PAWR: variants seen among roughly 807,000 people sequenced by gnomAD.
PAWR encodes the protein PRKC apoptosis WT1 regulator protein.
PAWR carries 23 observed loss-of-function variants against 32.0 expected under a neutral mutation model. The ratio of observed to expected loss-of-function variants is 0.72; its 90% CI spans 0.52 to 1.02. The LOEUF is 1.02. Among genes scored for constraint, PAWR ranks in the 50% least tolerant of loss-of-function variants. The probability of loss-of-function intolerance (pLI) is 0.00; values close to 1 mark genes in which losing one functional copy is unlikely to be tolerated. For missense variants in PAWR, 457 were observed against 437.7 expected, an observed-to-expected ratio of 1.04 and a Z score of -0.39; for synonymous variants, 226 against 187.1, an observed-to-expected ratio of 1.21 and a Z score of -1.70.
intron 4 of PAWR, among the ~76,000 whole-genome samples, chr12:79,602,759 A>G (rs1874012451): frequency 6.6e-6 from 1 of 150,572 alleles, no homozygotes. Context: ...ATATGCCACC[A>G]TACCTGGCTA....
In PAWR at chr12:79,628,193, G is replaced by T. The variant is rs375274965; in HGVS notation, c.517-6986C>A. 1.1e-4 allele frequency among the ~76,000 whole-genome samples: 17 copies of T among 152,242 alleles called. No homozygotes were observed. In the East Asian group the frequency reaches 1.7e-3, roughly 16 times the overall value. On this transcript the variant is annotated intron_variant, in intron 2 of 6. Transcript: ENST00000328827. ...CAACTACATGGAAACTGAACAACCTGCTCCTGAATGACTACTGGGTACATA... is the reference window on the plus strand; with the variant it reads ...CAACTACATGGAAACTGAACAACCTTCTCCTGAATGACTACTGGGTACATA...
intron 2 of PAWR, among the ~76,000 whole-genome samples, chr12:79,663,400 C>T (rs1408536527): frequency 6.6e-6 from 1 of 152,132 alleles, no homozygotes; most frequent in Admixed American, 6.5e-5. Context: ...TCAGAATTAC[C>T]TGGGAAGATT....
chr12:79,641,245 G>A (rs1382249332), intron 2 of PAWR, among the ~76,000 whole-genome samples: 2 of 152,126 alleles, frequency 1.3e-5, no homozygotes, highest in Admixed American at 6.5e-5. Flanking sequence ...TAGCACCTAC[G>A]TGACAGCCAT....
chr12:79,663,043 G>C (rs1047403236), intron 2 of PAWR, among the ~76,000 whole-genome samples: 4 of 152,112 alleles, frequency 2.6e-5, no homozygotes, highest in African/African-American at 9.7e-5. Flanking sequence ...ATACTAATGA[G>C]AGCCTGTCCA....
At chr12:79,617,470 C>CAATT (rs1874794459) in intron 3 of PAWR, among the ~76,000 whole-genome samples, 1 of 151,858 alleles carries the variant, frequency 6.6e-6, no homozygotes, top group Non-Finnish European at 1.5e-5. Context: ...TAAAAATGGG[C>CAATT]AATTAAAGGT....
At chr12:79,680,366 T>C (rs896848777) in intron 2 of PAWR, among the ~76,000 whole-genome samples, 1 of 152,246 alleles carries the variant, frequency 6.6e-6, no homozygotes, top group Non-Finnish European at 1.5e-5. Flanking sequence ...CCTACCATTT[T>C]ACAGTAATTC....
intron 2 of PAWR, among the ~76,000 whole-genome samples, chr12:79,681,141 G>A (rs1435825503): frequency 7.2e-6 from 1 of 139,416 alleles, no homozygotes; most frequent in African/African-American, 2.7e-5. Context: ...GGGGAGGGGA[G>A]GGGTGGGGAG....
At chr12:79,607,851 G>A (rs988535691) in intron 4 of PAWR, among the ~76,000 whole-genome samples, 11 of 151,936 alleles carry the variant, frequency 7.2e-5, no homozygotes, top group Non-Finnish European at 1.5e-4. Flanking sequence ...AGAACTACTG[G>A]TTAAAACAAT....
chr12:79,602,964 G>A (rs1324204493), intron 4 of PAWR, among the ~76,000 whole-genome samples: 2 of 152,062 alleles, frequency 1.3e-5, no homozygotes, highest in African/African-American at 2.4e-5. Context: ...TGAGTAGGCT[G>A]AGCACAGTGG....
rs185235652 is a variant in PAWR, at chr12:79,591,918, T to C, written c.*689A>G. ...TACATAAGAAATTTTACATTGAAAT[T>C]ACAATTGTATGTTTTTCAGGAGTTA... On this transcript the variant is annotated 3_prime_UTR_variant, in exon 7 of 7. Coordinates refer to ENST00000328827, the MANE Select transcript of PAWR (RefSeq NM_002583.4). The C allele has an allele frequency of 6.6e-6, 1 of 152,652 alleles. No individual in the cohort carries two copies. The highest frequency in any genetic ancestry group is 2.4e-5 in the African/African-American group (1 of 41,560). 9.5% of individuals were successfully genotyped at this position (152,652 alleles called of 1,614,324 possible).
At chr12:79,663,277 T>C (rs765432351) in intron 2 of PAWR, among the ~76,000 whole-genome samples, 7 of 152,222 alleles carry the variant, frequency 4.6e-5, no homozygotes, top group East Asian at 1.9e-4. Flanking sequence ...ATCTTGTCTA[T>C]GGTTTTAAGT....
chr12:79,613,964 T>G (rs1874586873), intron 3 of PAWR, among the ~76,000 whole-genome samples: 1 of 8,654 alleles, frequency 1.2e-4, no homozygotes, highest in Admixed American at 1.3e-3. Flanking sequence ...TATATATATA[T>G]ATATATATAT....
chr12:79,605,903 A>G (rs1874162599), intron 4 of PAWR, among the ~76,000 whole-genome samples: 1 of 151,976 alleles, frequency 6.6e-6, no homozygotes, highest in Non-Finnish European at 1.5e-5. Context: ...GTGAAACCCT[A>G]TCTCTACTAA....
intron 4 of PAWR, among the ~76,000 whole-genome samples, chr12:79,613,125 G>GA (rs1874516815): frequency 6.6e-6 from 1 of 152,194 alleles, no homozygotes; most frequent in Non-Finnish European, 1.5e-5. Context: ...GACACAGTGA[G>GA]AAAGTGGCTA....
In PAWR at chr12:79,613,598, T is replaced by G. The variant is rs764718416; in HGVS notation, c.660A>C (p.Arg220Ser). The change falls in exon 4 of 7, where the codon AGA becomes AGC. Residue 220 changes from arginine (R) to serine (S), a missense_variant. By Grantham distance (110) the Arg-to-Ser change is moderately radical. Coordinates refer to ENST00000328827, the MANE Select transcript of PAWR (RefSeq NM_002583.4). Reference protein sequence around the residue: ...GSSYLLQEPPRTVSGRYKSTT... With the variant: ...GSSYLLQEPPSTVSGRYKSTT... ...ACCTTTTATATCTGCCTGAAACTGT[T>G]CTAGGTGGCTCCTGCAAAGTAAAAA... 1 of 1,545,106 alleles carries G rather than the reference T, an allele frequency of 6.5e-7. No homozygotes were observed. The highest frequency in any genetic ancestry group is 1.2e-5 in the South Asian group (1 of 85,652).
At chr12:79,639,879 C>CATATTCCATT (rs1876213838) in intron 2 of PAWR, among the ~76,000 whole-genome samples, 1 of 85,554 alleles carries the variant, frequency 1.2e-5, no homozygotes. Context: ...TATTCCTATT[C>CATATTCCATT]CTATTCCATT....
chr12:79,621,390 T>C (rs1342282582), intron 2 of PAWR, among the ~76,000 whole-genome samples, 183 bp from the exon 3 acceptor site: 1 of 152,232 alleles, frequency 6.6e-6, no homozygotes, highest in Non-Finnish European at 1.5e-5. Flanking sequence ...GCTTAAAACT[T>C]GTACTTCCAT....
At chr12:79,686,233 C>T (rs1245867243) in intron 2 of PAWR, among the ~76,000 whole-genome samples, 1 of 152,198 alleles carries the variant, frequency 6.6e-6, no homozygotes, top group African/African-American at 2.4e-5. Context: ...TACTCAATGG[C>T]AGTAACTTCA....
At chr12:79,595,992 T>C (rs1323040640) in intron 5 of PAWR, among the ~76,000 whole-genome samples, 1 of 152,206 alleles carries the variant, frequency 6.6e-6, no homozygotes, top group Non-Finnish European at 1.5e-5. Flanking sequence ...ATGAAATTTC[T>C]TTACATAACA....
Sources: allele counts gnomAD v4.1 joint callset (sites outside exome capture counted in the v4.1 genomes callset), GRCh38; gene constraint gnomAD v4.1.1; transcripts MANE v1.5; gene names NCBI Gene and HGNC (gene_info 2026-07-23, HGNC 2026-07-21).